CLDN10: variants seen among roughly 807,000 people sequenced by gnomAD.
CLDN10 encodes the protein claudin 10.
A neutral mutation model predicts 22.9 loss-of-function variants in CLDN10; 15 were observed. The ratio of observed to expected loss-of-function variants is 0.65; its 90% CI spans 0.44 to 1.01. CLDN10 has a LOEUF of 1.01. Among genes scored for constraint, CLDN10 ranks in the 50% least tolerant of loss-of-function variants. CLDN10 has a pLI of 0.00. For synonymous variants in CLDN10, 114 were observed against 111.4 expected, an observed-to-expected ratio of 1.02 and a Z score of -0.15; for missense variants, 247 against 287.8, an observed-to-expected ratio of 0.86 and a Z score of 1.03.
At chr13:95,534,862 A>G (rs921461644) in intron 1 of CLDN10, among the ~76,000 whole-genome samples, 17 of 152,168 alleles carry the variant, frequency 1.1e-4, no homozygotes, top group African/African-American at 4.1e-4. Context: ...AACAGTGAGG[A>G]TGAATAAGAA....
At chr13:95,570,811 T>A (rs2043843573) in intron 3 of CLDN10, among the ~76,000 whole-genome samples, 1 of 145,150 alleles carries the variant, frequency 6.9e-6, no homozygotes, top group African/African-American at 2.6e-5. Flanking sequence ...ATACATAATT[T>A]AAAAATGTAT....
chr13:95,540,380 T>A (rs1229294553), intron 1 of CLDN10, among the ~76,000 whole-genome samples: 1 of 151,716 alleles, frequency 6.6e-6, no homozygotes, highest in African/African-American at 2.4e-5. Context: ...TAATCTCAGC[T>A]GCTTGGTGGG....
chr13:95,537,281 T>TG (rs1248433460), intron 1 of CLDN10, among the ~76,000 whole-genome samples: 1 of 152,082 alleles, frequency 6.6e-6, no homozygotes, highest in African/African-American at 2.4e-5. Flanking sequence ...TAATCAGTTT[T>TG]GGGGGGGTTG....
chr13:95,488,950 CTTTTTTTTTT>C (rs58919737), intron 1 of CLDN10, among the ~76,000 whole-genome samples: 2 of 110,750 alleles, frequency 1.8e-5, no homozygotes, highest in African/African-American at 7.3e-5. Flanking sequence ...ACTTTTTGTT[CTTTTTTTTTT>C]TTTTTTTTTT....
chr13:95,537,748 A>G (rs1376376491), intron 1 of CLDN10, among the ~76,000 whole-genome samples: 8 of 152,186 alleles, frequency 5.3e-5, no homozygotes. Flanking sequence ...CAGGTTTTCC[A>G]TCATAACTAC....
chr13:95,559,959 A>T (rs144540162), intron 1 of CLDN10, among the ~76,000 whole-genome samples, 173 bp from the exon 2 acceptor site: 110 of 152,316 alleles, frequency 7.2e-4, no homozygotes, highest in Middle Eastern at 3.4e-3. Flanking sequence ...GACCTAGAAT[A>T]GGCACTCCCT....
chr13:95,505,459 C>T (rs9524991), intron 1 of CLDN10, among the ~76,000 whole-genome samples: 51,001 of 152,060 alleles, frequency 0.34, 9,822 homozygotes, highest in Non-Finnish European at 0.42. Context: ...CAGCTCTGAG[C>T]TCTCATTCGT....
chr13:95,577,184 C>A, intron 3 of CLDN10, 47 bp from the exon 4 acceptor site: 2 of 1,270,110 alleles, frequency 1.6e-6, no homozygotes, highest in Non-Finnish European at 2.3e-6. Context: ...ATACTGTTTA[C>A]TCTCCAAATA....
At chr13:95,557,302 C>A (rs1273586525) in intron 1 of CLDN10, among the ~76,000 whole-genome samples, 2 of 152,114 alleles carry the variant, frequency 1.3e-5, no homozygotes, top group African/African-American at 4.8e-5. Context: ...GGTGGTGTTA[C>A]TTGTAAGTTT....
At chr13:95,463,219 C>T (rs916053913) in intron 1 of CLDN10, among the ~76,000 whole-genome samples, 1 of 138,556 alleles carries the variant, frequency 7.2e-6, no homozygotes, top group African/African-American at 2.7e-5. Flanking sequence ...TATCTATACA[C>T]ATATATATGT....
At chr13:95,507,633 T>A (rs2043052261) in intron 1 of CLDN10, among the ~76,000 whole-genome samples, 1 of 151,816 alleles carries the variant, frequency 6.6e-6, no homozygotes, top group South Asian at 2.1e-4. Flanking sequence ...AAAAATTTTT[T>A]TTTTTTTGAG....
At chr13:95,479,141 G>C (rs1436661088) in intron 1 of CLDN10, among the ~76,000 whole-genome samples, 1 of 152,190 alleles carries the variant, frequency 6.6e-6, no homozygotes, top group East Asian at 1.9e-4. Context: ...ACGAGGTCAG[G>C]AGTTCAAGAA....
chr13:95,545,238 T>C (rs560094722), intron 1 of CLDN10, among the ~76,000 whole-genome samples: 2 of 152,230 alleles, frequency 1.3e-5, no homozygotes, highest in East Asian at 1.9e-4. Context: ...TATGACCTAA[T>C]GTGCATTAAG....
chr13:95,495,787 A>C (rs189210612), intron 1 of CLDN10, among the ~76,000 whole-genome samples: 1 of 152,058 alleles, frequency 6.6e-6, no homozygotes, highest in Admixed American at 6.6e-5. Context: ...AAAGAAATGA[A>C]GCTAACTTTA....
intron 1 of CLDN10, among the ~76,000 whole-genome samples, chr13:95,556,715 C>G (rs1004093645): frequency 6.6e-5 from 10 of 152,176 alleles, no homozygotes; most frequent in Admixed American, 3.9e-4. Flanking sequence ...CTCCCCATAC[C>G]ACTGTTCTCT....
At chr13:95,467,851 G>A (rs1056297144) in intron 1 of CLDN10, among the ~76,000 whole-genome samples, 9 of 152,190 alleles carry the variant, frequency 5.9e-5, no homozygotes, top group Non-Finnish European at 4.4e-5. Flanking sequence ...CTCAGGAAGA[G>A]CTGATGTTTC....
chr13:95,553,731 C>G (rs1487499685), intron 1 of CLDN10, among the ~76,000 whole-genome samples: 1 of 152,180 alleles, frequency 6.6e-6, no homozygotes, highest in Non-Finnish European at 1.5e-5. Context: ...TGCTGCTGTC[C>G]TGGGTTGTTC....
intron 1 of CLDN10, among the ~76,000 whole-genome samples, chr13:95,456,453 C>T (rs1274820767): frequency 6.6e-6 from 1 of 152,022 alleles, no homozygotes; most frequent in Non-Finnish European, 1.5e-5. Context: ...GTATTTATTC[C>T]TTCATGCAAC....
chr13:95,501,377 G>A (rs140609502), intron 1 of CLDN10, among the ~76,000 whole-genome samples: 27 of 152,164 alleles, frequency 1.8e-4, no homozygotes, highest in East Asian at 5.8e-4. Flanking sequence ...ACAGTGGTGC[G>A]GTCGTAGCTC....
Sources: gnomAD v4.1 joint callset for allele counts (sites outside exome capture counted in the v4.1 genomes callset) on GRCh38, gnomAD v4.1.1 for gene constraint, MANE v1.5 for transcripts, NCBI Gene and HGNC (gene_info 2026-07-23, HGNC 2026-07-21) for gene names.